The following TSPAN9 variants were observed in gnomAD, a reference collection of about 807,000 sequenced individuals.
The protein encoded by TSPAN9 is tetraspanin-9.
Under a neutral mutation model 31.0 loss-of-function variants are expected in TSPAN9, and 16 were observed. That is an observed-to-expected ratio of 0.52 (90% CI 0.35 to 0.78). The LOEUF (loss-of-function observed/expected upper bound fraction) is 0.78. TSPAN9 is among the 30% of genes least tolerant of loss of function. The pLI is 0.01. For synonymous variants in TSPAN9, 145 were observed against 121.6 expected (o/e 1.19, Z -1.27); for missense variants, 272 against 312.5 (o/e 0.87, Z 0.98).
At chr12:3,229,479 C>G (rs928294128) in intron 3 of TSPAN9, among the ~76,000 whole-genome samples, 2 of 152,230 alleles carry the variant, frequency 1.3e-5, no homozygotes, top group Non-Finnish European at 2.9e-5. Flanking sequence ...CCCATGTATT[C>G]TCTCTCCCTT....
At chr12:3,220,074 G>C (rs553476552) in intron 3 of TSPAN9, among the ~76,000 whole-genome samples, 145 of 151,140 alleles carry the variant, frequency 9.6e-4, no homozygotes, top group African/African-American at 3.3e-3. Context: ...GAACCCGGGA[G>C]GCGGAAGTTG....
At chr12:3,243,776 T>A (rs2098397889) in intron 3 of TSPAN9, among the ~76,000 whole-genome samples, 1 of 152,132 alleles carries the variant, frequency 6.6e-6, no homozygotes, top group Non-Finnish European at 1.5e-5. Context: ...TCTCCTCTGA[T>A]ATGGGGTGTC....
At chr12:3,269,463 CGTTCCTGCAGCCTGCCCT>C (rs1862626468) in intron 3 of TSPAN9, among the ~76,000 whole-genome samples, 1 of 94,056 alleles carries the variant, frequency 1.1e-5, no homozygotes, top group Admixed American at 1.4e-4. Context: ...GCCCTCTGTG[CGTTCCTGCAGCCTGCCCT>C]CTGTGTTTCT....
intron 3 of TSPAN9, among the ~76,000 whole-genome samples, chr12:3,239,232 G>T (rs1337145651): frequency 6.7e-6 from 1 of 150,012 alleles, no homozygotes; most frequent in Non-Finnish European, 1.5e-5. Context: ...GTAGTGAGTG[G>T]TGGGGCTCTG....
chr12:3,135,237 C>A (rs1186486094), intron 2 of TSPAN9, among the ~76,000 whole-genome samples: 1 of 152,140 alleles, frequency 6.6e-6, no homozygotes, highest in African/African-American at 2.4e-5. Flanking sequence ...ATGCACTCCA[C>A]CACACCTGGC....
At chr12:3,198,225 CACCACCAGCACAGG>C (rs1423947427) in intron 2 of TSPAN9, among the ~76,000 whole-genome samples, 55 of 97,384 alleles carry the variant, frequency 5.6e-4, no homozygotes, top group African/African-American at 1.9e-3. Flanking sequence ...CAGCACAGGT[CACCACCAGCACAGG>C]TCACCACCAG....
chr12:3,226,180 C>T (rs137903873), intron 3 of TSPAN9, among the ~76,000 whole-genome samples: 107 of 151,910 alleles, frequency 7.0e-4, no homozygotes, highest in African/African-American at 2.4e-3. Context: ...GAGGGGAGGA[C>T]GGTCGTGAGG....
chr12:3,145,905 A>G (rs1432165011), intron 2 of TSPAN9, among the ~76,000 whole-genome samples: 1 of 152,214 alleles, frequency 6.6e-6, no homozygotes, highest in African/African-American at 2.4e-5. Context: ...GCATGGGCAC[A>G]GGGGAGGGAA....
chr12:3,264,248 A>G (rs1042467982), intron 3 of TSPAN9, among the ~76,000 whole-genome samples: 3 of 151,876 alleles, frequency 2.0e-5, no homozygotes, highest in Non-Finnish European at 2.9e-5. Context: ...GGCACAGGGG[A>G]CCCGGGGAAG....
chr12:3,097,302 C>A (rs560981710), intron 2 of TSPAN9, among the ~76,000 whole-genome samples: 2 of 152,186 alleles, frequency 1.3e-5, no homozygotes, highest in Non-Finnish European at 2.9e-5. Context: ...GGAAAACATG[C>A]GCCCAAAATG....
rs59457295 is a variant in TSPAN9, at chr12:3,131,129, GA to G, written c.-18+47421del. Among the ~76,000 whole-genome samples the G allele has an allele frequency of 4.7e-4, 69 of 148,170 alleles. 1 individual carries two copies. Among genetic ancestry groups the G allele is most frequent in the Middle Eastern group, 7.0e-3 (2 of 286 alleles). On this transcript the variant is annotated intron_variant, in intron 2 of 8. Transcript: ENST00000011898. ...CTTTGTCATTTTCTCCACTTTTGGG[GA>G]AAAAAAAAAAGAAACCGGATGTTTA... is the stretch of plus-strand genomic sequence containing the variant.
rs554208412 is a variant in TSPAN9, at chr12:3,204,327, G to A, written c.63+3071G>A. On this transcript the variant is annotated intron_variant, in intron 3 of 8. Coordinates refer to ENST00000011898, the MANE Select transcript of TSPAN9 (RefSeq NM_006675.5). ...CATGTGGAAGAGAGGTGCAGCTGTC[G>A]TACACTGCAACCCTTCAGAGGCGTG... Among the ~76,000 whole-genome samples, 5 of 152,310 alleles carry A rather than the reference G, an allele frequency of 3.3e-5. No individual in the cohort carries two copies. In the East Asian group the frequency reaches 5.8e-4, roughly 18 times the overall value.
intron 2 of TSPAN9, among the ~76,000 whole-genome samples, chr12:3,144,976 T>C (rs2098336491): frequency 6.6e-6 from 1 of 152,236 alleles, no homozygotes; most frequent in African/African-American, 2.4e-5. Context: ...TTCTTAGCAT[T>C]TAATTGGACT....
At chr12:3,110,604 G>A (rs1306340577) in intron 2 of TSPAN9, among the ~76,000 whole-genome samples, 1 of 152,116 alleles carries the variant, frequency 6.6e-6, no homozygotes, top group East Asian at 1.9e-4. Flanking sequence ...GTTTGTTGCA[G>A]GATCCTTTGT....
At chr12:3,084,181 C>T (rs1047254133) in intron 2 of TSPAN9, 1 of 152,576 alleles carries the variant, frequency 6.6e-6, no homozygotes, top group Non-Finnish European at 1.5e-5. Flanking sequence ...CCTACGGGGC[C>T]CTCTTCCCTG....
Position 3,211,850 on chromosome 12 carries a change from C to T in TSPAN9, c.63+10594C>T, listed in dbSNP as rs1591680284. The T allele has an allele frequency of 8.1e-6, 13 of 1,595,156 alleles. No individual in the cohort carries two copies. In the East Asian group the frequency reaches 8.9e-5, roughly 11 times the overall value. On this transcript the variant is annotated intron_variant, in intron 3 of 8. Coordinates refer to ENST00000011898, the MANE Select transcript of TSPAN9 (RefSeq NM_006675.5). ...GTAGGAATTGGGGCTCTGCACCAGG[C>T]GTTTCTTCTTGTGTTTCCTCTTCTC...
chr12:3,135,324 G>T (rs2153967281), intron 2 of TSPAN9, among the ~76,000 whole-genome samples: 1 of 152,270 alleles, frequency 6.6e-6, no homozygotes, highest in South Asian at 2.1e-4. Context: ...GGCATCAAGT[G>T]ATCCTCCTGT....
At chr12:3,148,761 C>T (rs760858332) in intron 2 of TSPAN9, among the ~76,000 whole-genome samples, 1 of 152,206 alleles carries the variant, frequency 6.6e-6, no homozygotes, top group South Asian at 2.1e-4. Context: ...CTCTCCAGCT[C>T]GGCTGGGAAG....
intron 2 of TSPAN9, among the ~76,000 whole-genome samples, chr12:3,167,814 G>A (rs141653904): frequency 4.6e-5 from 7 of 152,304 alleles, no homozygotes; most frequent in Non-Finnish European, 1.0e-4. Flanking sequence ...TCCTCCGGGG[G>A]CTTTGGCTGG....
Sources: allele counts gnomAD v4.1 joint callset (sites outside exome capture counted in the v4.1 genomes callset), GRCh38; gene constraint gnomAD v4.1.1; transcripts MANE v1.5; gene names NCBI Gene and HGNC (gene_info 2026-07-23, HGNC 2026-07-21).